ESR1: variants seen among roughly 807,000 people sequenced by gnomAD.
The protein encoded by ESR1 is estrogen receptor.
In ESR1, 12 loss-of-function variants were observed where a neutral mutation model predicts 52.7. The ratio of observed to expected loss-of-function variants is 0.23; its 90% CI spans 0.15 to 0.37. The LOEUF (loss-of-function observed/expected upper bound fraction) is 0.37, where lower values mean the gene tolerates loss of function less well. ESR1 is among the 10% of genes least tolerant of loss of function. The pLI, the probability that ESR1 is intolerant of heterozygous loss-of-function variation, is 1.00. For missense variants in ESR1, 584 were observed against 779.7 expected (o/e 0.75, Z 2.99); for synonymous variants, 305 against 316.8 (o/e 0.96, Z 0.39).
chr6:151,757,724 A>G (rs1383315727), intron 2 of ESR1, among the ~76,000 whole-genome samples: 1 of 152,196 alleles, frequency 6.6e-6, no homozygotes, highest in East Asian at 1.9e-4. Context: ...TGCTACTAGA[A>G]CCAAGATGAA....
At chr6:151,817,005 G>T (rs888411415) in intron 1 of ESR1, among the ~76,000 whole-genome samples, 11 of 152,218 alleles carry the variant, frequency 7.2e-5, no homozygotes, top group Admixed American at 5.2e-4. Flanking sequence ...TGAAGCTGAG[G>T]TAAGCAGCTT....
At chr6:151,971,016 G>A (rs2038855704) in intron 4 of ESR1, among the ~76,000 whole-genome samples, 1 of 152,060 alleles carries the variant, frequency 6.6e-6, no homozygotes, top group Non-Finnish European at 1.5e-5. Context: ...TTTCCTTCAG[G>A]CTGTAGGCAT....
In ESR1 at chr6:152,018,425, T is replaced by TA. The variant is rs78036702; in HGVS notation, c.1235+6647dup. 3.8e-3 allele frequency among the ~76,000 whole-genome samples: 486 copies of TA among 126,692 alleles called. 2 individuals are homozygous for TA. The highest frequency in any genetic ancestry group is 0.012 in the East Asian group (51 of 4,394). 83.1% of individuals were successfully genotyped at this position (126,692 alleles called of 152,430 possible). A position where few individuals can be genotyped will look rare whatever the true frequency, so the allele number is the denominator to read the frequency against. On this transcript the variant is annotated intron_variant, in intron 5 of 7. Transcript: ENST00000206249. ...GCAGATTTTTTACTTGGAAGAATGA[T>TA]AAAAAAAAAAAAAAAAGTTCTGAAA...
intron 4 of ESR1, among the ~76,000 whole-genome samples, chr6:151,957,212 A>G (rs1211707713): frequency 6.6e-6 from 1 of 152,100 alleles, no homozygotes. Flanking sequence ...GAAGGACACA[A>G]CTTTTGCCAT....
At chr6:151,903,020 C>T (rs1453128610) in intron 3 of ESR1, among the ~76,000 whole-genome samples, 1 of 152,188 alleles carries the variant, frequency 6.6e-6, no homozygotes, top group East Asian at 1.9e-4. Context: ...TTCCGAATTA[C>T]ACCTGTTTTT....
intron 3 of ESR1, among the ~76,000 whole-genome samples, chr6:151,884,529 C>A (rs976109716): frequency 6.6e-6 from 1 of 152,184 alleles, no homozygotes; most frequent in African/African-American, 2.4e-5. Context: ...GAACCACAGA[C>A]CTACTCCCTA....
chr6:151,746,357 G>A (rs776378943), intron 2 of ESR1, among the ~76,000 whole-genome samples: 6 of 152,184 alleles, frequency 3.9e-5, no homozygotes, highest in African/African-American at 7.2e-5. Context: ...CATAGCTCAC[G>A]AAGAAGATGG....
intron 1 of ESR1, among the ~76,000 whole-genome samples, chr6:151,821,215 C>T (rs1233660863): frequency 4.6e-5 from 7 of 152,022 alleles, no homozygotes; most frequent in Non-Finnish European, 1.0e-4. Flanking sequence ...CAGACCATGC[C>T]ATACTCATTG....
chr6:151,657,323 C>G (rs994195355), intron 1 of ESR1, among the ~76,000 whole-genome samples: 1 of 152,062 alleles, frequency 6.6e-6, no homozygotes, highest in African/African-American at 2.4e-5. Context: ...TGGGTACTAA[C>G]CATTAAAATT....
At chr6:151,949,590 A>C (rs1476910012) in intron 4 of ESR1, among the ~76,000 whole-genome samples, 1 of 152,278 alleles carries the variant, frequency 6.6e-6, no homozygotes, top group African/African-American at 2.4e-5. Context: ...CTGTATAATA[A>C]GAGCCTTAGG....
At chr6:151,888,472 G>T (rs1295841129) in intron 3 of ESR1, among the ~76,000 whole-genome samples, 1 of 151,784 alleles carries the variant, frequency 6.6e-6, no homozygotes, top group African/African-American at 2.4e-5. Context: ...TGGATAGTTT[G>T]CTGTTAGTGT....
chr6:151,944,599 A>AATTAC, intron 4 of ESR1, 91 bp downstream of exon 4: 3 of 1,157,198 alleles, frequency 2.6e-6, no homozygotes, highest in Non-Finnish European at 3.9e-6. Flanking sequence ...AAAAAGAAGC[A>AATTAC]ATAACATGTT....
intron 4 of ESR1, among the ~76,000 whole-genome samples, chr6:151,991,459 T>C (rs929828560): frequency 1.3e-5 from 2 of 152,136 alleles, no homozygotes; most frequent in Admixed American, 6.6e-5. Context: ...AAATACATTT[T>C]GAGCCCTCAA....
intron 2 of ESR1, among the ~76,000 whole-genome samples, chr6:151,779,013 A>T (rs376934649): frequency 2.0e-5 from 3 of 152,034 alleles, no homozygotes; most frequent in East Asian, 1.9e-4. Flanking sequence ...AGATGGATGG[A>T]TTACAAAATT....
At chr6:151,851,304 C>G (rs1368111486) in intron 2 of ESR1, among the ~76,000 whole-genome samples, 1 of 152,118 alleles carries the variant, frequency 6.6e-6, no homozygotes, top group Non-Finnish European at 1.5e-5. Context: ...CAGAAATTCT[C>G]TCTCTCCTGG....
At chr6:151,707,060 T>C (rs763703231) in intron 2 of ESR1, among the ~76,000 whole-genome samples, 2 of 152,172 alleles carry the variant, frequency 1.3e-5, no homozygotes, top group Non-Finnish European at 2.9e-5. Flanking sequence ...AAAGCTCTAA[T>C]GTTGAAGGAG....
intron 5 of ESR1, among the ~76,000 whole-genome samples, chr6:152,056,647 C>T (rs1359846078): frequency 6.6e-6 from 1 of 152,118 alleles, no homozygotes; most frequent in Non-Finnish European, 1.5e-5. Flanking sequence ...GGTTCTTTCC[C>T]CCATTACTTA....
At chr6:151,831,908 C>T (rs1051165522) in intron 1 of ESR1, among the ~76,000 whole-genome samples, 4 of 152,200 alleles carry the variant, frequency 2.6e-5, no homozygotes, top group East Asian at 1.9e-4. Context: ...AATCTTTGTG[C>T]AGAAGCTGAA....
chr6:151,935,664 G>A (rs1289636696), intron 3 of ESR1, among the ~76,000 whole-genome samples: 1 of 152,178 alleles, frequency 6.6e-6, no homozygotes, highest in East Asian at 1.9e-4. Context: ...AATGTAGGAC[G>A]GCAGCTAAGA....
Sources: allele counts gnomAD v4.1 joint callset (sites outside exome capture counted in the v4.1 genomes callset), GRCh38; gene constraint gnomAD v4.1.1; transcripts MANE v1.5; gene names NCBI Gene and HGNC (gene_info 2026-07-23, HGNC 2026-07-21).